Variants in CDH23 observed in about 807,000 individuals in gnomAD.
CDH23 encodes cadherin related 23.
In CDH23, 189 loss-of-function variants were observed where a neutral mutation model predicts 317.1. The ratio of observed to expected loss-of-function variants is 0.60; its 90% CI spans 0.53 to 0.67. CDH23 has a LOEUF of 0.67. CDH23 is among the 30% of genes least tolerant of loss of function. The pLI, the probability that CDH23 is intolerant of heterozygous loss-of-function variation, is 0.00. For synonymous variants in CDH23, 1,839 were observed against 1,876.8 expected (o/e 0.98, Z 0.52); for missense variants, 4,401 against 4,592.4 (o/e 0.96, Z 1.20).
intron 6 of CDH23, among the ~76,000 whole-genome samples, chr10:71,561,056 T>C (rs1857104548): frequency 6.6e-6 from 1 of 151,854 alleles, no homozygotes; most frequent in Non-Finnish European, 1.5e-5. Flanking sequence ...TCTCTCTCTC[T>C]CCTATCTTCC....
At chr10:71,537,358 G>A (rs1855758077) in intron 6 of CDH23, among the ~76,000 whole-genome samples, 1 of 152,226 alleles carries the variant, frequency 6.6e-6, no homozygotes, top group Non-Finnish European at 1.5e-5. Context: ...ATCTGACACG[G>A]TGGGGAGGGG....
intron 3 of CDH23, among the ~76,000 whole-genome samples, chr10:71,462,610 C>T (rs1286727145): frequency 6.6e-6 from 1 of 152,264 alleles, no homozygotes; most frequent in African/African-American, 2.4e-5. Context: ...GTTCTGTCAC[C>T]TCTCAGAGCC....
intron 3 of CDH23, among the ~76,000 whole-genome samples, chr10:71,500,769 CTTTT>C (rs1181573977): frequency 2.0e-5 from 2 of 99,342 alleles, no homozygotes; most frequent in African/African-American, 4.1e-5. Context: ...GTTTTCTTTT[CTTTT>C]CTTTTCTTTT....
At chr10:71,814,721 C>CAG (rs1222880450) in intron 69 of CDH23, among the ~76,000 whole-genome samples, 1 of 151,656 alleles carries the variant, frequency 6.6e-6, no homozygotes, top group Non-Finnish European at 1.5e-5. Flanking sequence ...GATACACACA[C>CAG]ACACACACAC....
intron 3 of CDH23, among the ~76,000 whole-genome samples, chr10:71,475,635 C>T (rs1851754279): frequency 6.6e-6 from 1 of 152,246 alleles, no homozygotes; most frequent in African/African-American, 2.4e-5. Flanking sequence ...TGAGGCCCAT[C>T]TGTCACCCGA....
At chr10:71,735,424 A>C (rs1589385401) in intron 34 of CDH23, among the ~76,000 whole-genome samples, 1 of 152,106 alleles carries the variant, frequency 6.6e-6, no homozygotes, top group African/African-American at 2.4e-5. Context: ...AGGGGAGCTC[A>C]TGCTGGGGTT....
At chr10:71,484,560 T>C (rs1852241963) in intron 3 of CDH23, among the ~76,000 whole-genome samples, 1 of 152,206 alleles carries the variant, frequency 6.6e-6, no homozygotes, top group African/African-American at 2.4e-5. Flanking sequence ...TTCAGCCGCG[T>C]GCAGGACTGA....
chr10:71,561,953 A>G (rs567873396), intron 6 of CDH23, among the ~76,000 whole-genome samples: 1 of 152,014 alleles, frequency 6.6e-6, no homozygotes, highest in East Asian at 1.9e-4. Context: ...TCTTTCTTCC[A>G]AAGACCACGG....
intron 1 of CDH23, among the ~76,000 whole-genome samples, chr10:71,417,033 T>TC (rs907145807): frequency 8.6e-5 from 13 of 151,538 alleles, no homozygotes; most frequent in South Asian, 2.1e-4. Flanking sequence ...TTTTCTTTTT[T>TC]TTTCTTTCTT....
At chr10:71,788,214 A>AT (rs1658102654) in intron 44 of CDH23, among the ~76,000 whole-genome samples, 1 of 151,526 alleles carries the variant, frequency 6.6e-6, no homozygotes, top group Admixed American at 6.6e-5. Flanking sequence ...TGCCCAGCTA[A>AT]TTTTTTTGTA....
At chr10:71,398,642 G>A (rs928618004) in intron 1 of CDH23, among the ~76,000 whole-genome samples, 1 of 152,062 alleles carries the variant, frequency 6.6e-6, no homozygotes, top group Admixed American at 6.5e-5. Context: ...AGGGGTAGGC[G>A]CACTGCGGTC....
At chr10:71,598,834 G>A (rs1860032323) in intron 9 of CDH23, among the ~76,000 whole-genome samples, 1 of 152,266 alleles carries the variant, frequency 6.6e-6, no homozygotes, top group African/African-American at 2.4e-5. Flanking sequence ...AGCGTCTTGG[G>A]ACATCCCTCC....
At position 71,810,093 on chromosome 10, in the gene CDH23, CCCGGGG is replaced by C. The variant is rs748214600; in HGVS notation, c.8979+25_8979+30del. On this transcript the variant is annotated intron_variant, in intron 61 of 69. Transcript: ENST00000224721. ...AATGTGCAGGTGCCTCATGGGCCCA[CCCGGGG>C]CCGGGGCAGTGGAGGGAGAAGGAAG... 1.2e-6 allele frequency: 2 copies of C among 1,608,830 alleles called. No individual in the cohort carries two copies. Among genetic ancestry groups the C allele is most frequent in the Non-Finnish European group, 8.5e-7 (1 of 1,176,994 alleles).
chr10:71,480,412 C>T (rs1194598406), intron 3 of CDH23, among the ~76,000 whole-genome samples: 5 of 152,214 alleles, frequency 3.3e-5, no homozygotes, highest in Admixed American at 2.0e-4. Flanking sequence ...CCGGGTCGGA[C>T]GGGGGCTAGA....
At chr10:71,706,767 T>C (rs1865803214) in intron 25 of CDH23, 130 bp from the exon 26 acceptor site, 1 of 1,438,826 alleles carries the variant, frequency 7.0e-7, no homozygotes, top group Non-Finnish European at 9.3e-7. Context: ...TTGACACAGA[T>C]GCCACTTGGA....
intron 2 of CDH23, 116 bp from the exon 3 acceptor site, chr10:71,446,202 C>G: frequency 3.0e-6 from 3 of 985,602 alleles, no homozygotes; most frequent in Non-Finnish European, 4.8e-6. Context: ...GGGAAGTTGA[C>G]CATGGCCATG....
Position 71,723,856 on chromosome 10 carries a change from G to A in CDH23, c.3370-189G>A, listed in dbSNP as rs1453590637. On this transcript the variant is annotated intron_variant, in intron 28 of 69. Coordinates refer to ENST00000224721, the MANE Select transcript of CDH23 (RefSeq NM_022124.6). ...AGGGCTGCAGGGGCCATCAGCGGTC[G>A]GACATCCTCTTGGGGATTAGAAAGA... Among the ~76,000 whole-genome samples, 6 of 152,122 alleles carry A rather than the reference G, an allele frequency of 3.9e-5. No individual in the cohort carries two copies. In the South Asian group the frequency reaches 6.2e-4, roughly 16 times the overall value.
At chr10:71,734,626 C>T in intron 33 of CDH23, 30 bp from the exon 34 acceptor site, 1 of 1,535,682 alleles carries the variant, frequency 6.5e-7, no homozygotes, top group Non-Finnish European at 8.8e-7. Flanking sequence ...TTTTCTCTCA[C>T]TCCCCTCCTG....
At chr10:71,426,114 C>T (rs530910821) in intron 1 of CDH23, among the ~76,000 whole-genome samples, 9 of 152,302 alleles carry the variant, frequency 5.9e-5, no homozygotes, top group Admixed American at 3.9e-4. Context: ...GTGAATTAGC[C>T]GGTGGAAGTT....
Sources: gnomAD v4.1 joint callset for allele counts (sites outside exome capture counted in the v4.1 genomes callset) on GRCh38, gnomAD v4.1.1 for gene constraint, MANE v1.5 for transcripts, NCBI Gene and HGNC (gene_info 2026-07-23, HGNC 2026-07-21) for gene names.